Variants in SERINC5 observed in about 807,000 individuals in gnomAD.
The protein encoded by SERINC5 is chromosome 5 open reading frame 12.
In SERINC5, 41 loss-of-function variants were observed where a neutral mutation model predicts 63.1. The observed-to-expected ratio is 0.65, with a 90% confidence interval of 0.51 to 0.84. The LOEUF (loss-of-function observed/expected upper bound fraction) is 0.84. SERINC5 is among the 40% of genes least tolerant of loss of function. The pLI, the probability that SERINC5 is intolerant of heterozygous loss-of-function variation, is 0.00. For missense variants in SERINC5, 523 were observed against 573.0 expected, an observed-to-expected ratio of 0.91 and a Z score of 0.89; for synonymous variants, 222 against 215.2, an observed-to-expected ratio of 1.03 and a Z score of -0.28.
Position 80,142,027 on chromosome 5 carries a change from T to TAGGTGGCACTCAATTCTGCCCAACTC in SERINC5, c.*1610_*1635dup. On this transcript the variant is annotated 3_prime_UTR_variant, in exon 12 of 12. Coordinates refer to ENST00000507668, the MANE Select transcript of SERINC5 (RefSeq NM_001174072.3). The stretch of plus-strand genomic sequence containing the variant: ...CATTTTGGCACACAGAAGCCCAGCT[T>TAGGTGGCACTCAATTCTGCCCAACTC]AGGTGGCACTCAATTCTGCCCAACT... The TAGGTGGCACTCAATTCTGCCCAACTC allele has an allele frequency of 1.0e-6, 1 of 985,436 alleles. No individual in the cohort carries two copies. The highest frequency in any genetic ancestry group is 1.2e-6 in the Non-Finnish European group (1 of 829,934). The allele number at this position is 985,436 out of a possible 1,614,324, so 61.0% of individuals were successfully genotyped here.
At chr5:80,205,091 C>T (rs1580166423) in intron 1 of SERINC5, among the ~76,000 whole-genome samples, 2 of 152,324 alleles carry the variant, frequency 1.3e-5, no homozygotes, top group Admixed American at 1.3e-4. Flanking sequence ...TTACCCAACA[C>T]ATGCCCGTGT....
intron 1 of SERINC5, among the ~76,000 whole-genome samples, chr5:80,246,558 T>G (rs575635565): frequency 6.6e-6 from 1 of 152,322 alleles, no homozygotes; most frequent in South Asian, 2.1e-4. Context: ...ACAAATTGTT[T>G]CAAAATTTAC....
chr5:80,152,585 A>C (rs1299628518), intron 8 of SERINC5, among the ~76,000 whole-genome samples: 3 of 152,132 alleles, frequency 2.0e-5, no homozygotes, highest in Admixed American at 6.5e-5. Flanking sequence ...ATAAGTTTTT[A>C]ATTTTAAGAA....
intron 8 of SERINC5, among the ~76,000 whole-genome samples, chr5:80,152,181 A>C (rs1746233039): frequency 1.3e-5 from 2 of 152,298 alleles, no homozygotes; most frequent in Non-Finnish European, 2.9e-5. Flanking sequence ...TGCGCACCCA[A>C]GGAACACAAC....
intron 1 of SERINC5, among the ~76,000 whole-genome samples, chr5:80,249,326 AG>A (rs1752298833): frequency 6.6e-6 from 1 of 151,960 alleles, no homozygotes; most frequent in Non-Finnish European, 1.5e-5. Context: ...AAAAAAAAAA[AG>A]AAACCATCAA....
intron 1 of SERINC5, among the ~76,000 whole-genome samples, chr5:80,211,300 C>A (rs1176474885): frequency 6.6e-6 from 1 of 152,162 alleles, no homozygotes; most frequent in Non-Finnish European, 1.5e-5. Flanking sequence ...TTCCACAAAG[C>A]CCCTGACTCT....
At chr5:80,248,529 T>C (rs890207476) in intron 1 of SERINC5, among the ~76,000 whole-genome samples, 2 of 152,226 alleles carry the variant, frequency 1.3e-5, no homozygotes, top group African/African-American at 4.8e-5. Context: ...AATATTTTCA[T>C]ACCCCAATAG....
intron 2 of SERINC5, among the ~76,000 whole-genome samples, chr5:80,178,735 T>C (rs1748220747): frequency 6.6e-6 from 1 of 151,840 alleles, no homozygotes; most frequent in South Asian, 2.1e-4. Context: ...TATACATATA[T>C]ACAAATAAAA....
chr5:80,241,246 G>A (rs557669033), intron 1 of SERINC5, among the ~76,000 whole-genome samples: 9 of 145,530 alleles, frequency 6.2e-5, no homozygotes, highest in East Asian at 2.1e-4. Flanking sequence ...CAAGGTGGGC[G>A]GATCACGAGG....
At chr5:80,203,245 AATATATATACACATATAT>A in intron 1 of SERINC5, 192 bp from the exon 2 acceptor site, 2 of 468,236 alleles carry the variant, frequency 4.3e-6, no homozygotes, top group Admixed American at 2.9e-5. Context: ...TCTCTAAATA[AATATATATACACATATAT>A]ATATATATGT....
chr5:80,255,411 C>G (rs1752612957), intron 1 of SERINC5, among the ~76,000 whole-genome samples: 1 of 152,138 alleles, frequency 6.6e-6, no homozygotes, highest in South Asian at 2.1e-4. Flanking sequence ...AGGTACAGAG[C>G]CCACGCTCGA....
intron 9 of SERINC5, 102 bp downstream of exon 9, chr5:80,150,780 A>T (rs1330068235): frequency 2.3e-6 from 2 of 851,366 alleles, no homozygotes; most frequent in Admixed American, 3.8e-5. Context: ...GCAGAAAAAC[A>T]GGATCACGGA....
chr5:80,186,370 T>C (rs1748808702), intron 2 of SERINC5, among the ~76,000 whole-genome samples: 1 of 152,086 alleles, frequency 6.6e-6, no homozygotes, highest in African/African-American at 2.4e-5. Flanking sequence ...ACTCCTGACC[T>C]CAGGTGATCC....
chr5:80,129,721 G>C (rs1744870052), intron 11 of SERINC5, among the ~76,000 whole-genome samples: 1 of 152,206 alleles, frequency 6.6e-6, no homozygotes, highest in Admixed American at 6.5e-5. Flanking sequence ...GATGTTCTAA[G>C]TGAATTTAAA....
intron 1 of SERINC5, among the ~76,000 whole-genome samples, chr5:80,239,181 A>G (rs1236484477): frequency 6.6e-6 from 1 of 152,232 alleles, no homozygotes; most frequent in Non-Finnish European, 1.5e-5. Context: ...TGGACAGCCC[A>G]TAAGCCATCT....
At chr5:80,192,557 G>A (rs1260963356) in intron 2 of SERINC5, among the ~76,000 whole-genome samples, 3 of 152,078 alleles carry the variant, frequency 2.0e-5, no homozygotes, top group Middle Eastern at 3.2e-3. Flanking sequence ...TCATCTCTGC[G>A]GCTCAGAAGC....
At chr5:80,253,780 G>A (rs881707) in intron 1 of SERINC5, among the ~76,000 whole-genome samples, 52,110 of 151,974 alleles carry the variant, frequency 0.34, 9,253 homozygotes, top group East Asian at 0.56. Flanking sequence ...ACATGTTTAT[G>A]AATGATCTCC....
At chr5:80,160,158 C>T (rs1400350900) in intron 7 of SERINC5, among the ~76,000 whole-genome samples, 1 of 152,146 alleles carries the variant, frequency 6.6e-6, no homozygotes, top group African/African-American at 2.4e-5. Flanking sequence ...CCAGGTAGAG[C>T]ATCCGAATTG....
At chr5:80,163,750 G>C (rs1747093627) in intron 7 of SERINC5, among the ~76,000 whole-genome samples, 1 of 152,014 alleles carries the variant, frequency 6.6e-6, no homozygotes, top group South Asian at 2.1e-4. Context: ...ATCTTCTGAT[G>C]TACTATTACA....
Sources: gnomAD v4.1 joint callset for allele counts (sites outside exome capture counted in the v4.1 genomes callset) on GRCh38, gnomAD v4.1.1 for gene constraint, MANE v1.5 for transcripts, NCBI Gene and HGNC (gene_info 2026-07-23, HGNC 2026-07-21) for gene names.